Variants in ROR1 observed in about 807,000 individuals in gnomAD.
ROR1 encodes the protein inactive tyrosine-protein kinase transmembrane receptor ROR1.
Under a neutral mutation model 78.8 loss-of-function variants are expected in ROR1, and 19 were observed. That is an observed-to-expected ratio of 0.24 (90% CI 0.17 to 0.35). The LOEUF is 0.35. Among genes scored for constraint, ROR1 ranks in the 10% least tolerant of loss-of-function variants. ROR1 has a pLI of 1.00. For synonymous variants in ROR1, 386 were observed against 433.6 expected, an observed-to-expected ratio of 0.89 and a Z score of 1.36; for missense variants, 917 against 1,177.8, an observed-to-expected ratio of 0.78 and a Z score of 3.24.
intron 4 of ROR1, among the ~76,000 whole-genome samples, chr1:64,113,084 G>A (rs953165716): frequency 4.6e-5 from 7 of 152,216 alleles, no homozygotes; most frequent in East Asian, 3.9e-4. Flanking sequence ...ACTTTCTTCC[G>A]TTTTTCTGAA....
intron 1 of ROR1, among the ~76,000 whole-genome samples, chr1:63,953,207 A>G (rs1000720772): frequency 2.6e-5 from 4 of 152,120 alleles, no homozygotes; most frequent in Admixed American, 2.6e-4. Context: ...TGTTCCTACC[A>G]CTTACTACTT....
intron 1 of ROR1, among the ~76,000 whole-genome samples, chr1:63,955,338 T>C (rs1352999413): frequency 6.6e-6 from 1 of 152,232 alleles, no homozygotes; most frequent in Non-Finnish European, 1.5e-5. Context: ...ATTTTTTCTT[T>C]GGCAGTTTTT....
chr1:63,787,613 G>A (rs781523491), intron 1 of ROR1, among the ~76,000 whole-genome samples: 13 of 148,974 alleles, frequency 8.7e-5, no homozygotes, highest in Non-Finnish European at 1.9e-4. Flanking sequence ...TACAACCTCC[G>A]CCTCCCAGGT....
At chr1:64,018,082 A>G (rs2100553337) in intron 2 of ROR1, among the ~76,000 whole-genome samples, 1 of 152,188 alleles carries the variant, frequency 6.6e-6, no homozygotes, top group Non-Finnish European at 1.5e-5. Flanking sequence ...ATGGCTTTAC[A>G]GTTTGGCCTC....
chr1:64,128,316 A>G (rs1648789304), intron 4 of ROR1, among the ~76,000 whole-genome samples: 1 of 151,588 alleles, frequency 6.6e-6, no homozygotes, highest in Non-Finnish European at 1.5e-5. Context: ...AAAAAGTAAA[A>G]AAACTAGCCA....
intron 2 of ROR1, among the ~76,000 whole-genome samples, chr1:64,039,527 A>G (rs80142387): frequency 0.011 from 1,651 of 152,298 alleles, 11 homozygotes; most frequent in Non-Finnish European, 0.016. Context: ...GAAAATACAC[A>G]CGGACTTTGT....
chr1:64,108,786 G>A (rs1311521916), intron 4 of ROR1, among the ~76,000 whole-genome samples: 1 of 152,208 alleles, frequency 6.6e-6, no homozygotes, highest in Non-Finnish European at 1.5e-5. Context: ...GAGATTATGT[G>A]TAGAGAGATA....
intron 1 of ROR1, among the ~76,000 whole-genome samples, chr1:63,780,824 T>A (rs1644647529): frequency 1.3e-5 from 2 of 152,178 alleles, no homozygotes; most frequent in African/African-American, 4.8e-5. Context: ...CCCAGGTGCT[T>A]AGTGTAATTC....
At chr1:64,084,958 T>C (rs1172395982) in intron 4 of ROR1, among the ~76,000 whole-genome samples, 1 of 152,204 alleles carries the variant, frequency 6.6e-6, no homozygotes, top group Non-Finnish European at 1.5e-5. Context: ...TCTGATTCCA[T>C]CCAGTTTCAA....
At chr1:63,904,863 A>T (rs1196236018) in intron 1 of ROR1, among the ~76,000 whole-genome samples, 2 of 152,178 alleles carry the variant, frequency 1.3e-5, no homozygotes, top group African/African-American at 4.8e-5. Context: ...AATTTCCAGA[A>T]TTGTGAGACA....
intron 1 of ROR1, among the ~76,000 whole-genome samples, chr1:63,897,031 T>C (rs1459667739): frequency 6.6e-6 from 1 of 152,226 alleles, no homozygotes; most frequent in African/African-American, 2.4e-5. Context: ...AGTCAAGCTG[T>C]TGTTATTAAC....
chr1:63,877,450 C>T (rs1292603694), intron 1 of ROR1, among the ~76,000 whole-genome samples: 4 of 152,098 alleles, frequency 2.6e-5, no homozygotes, highest in Non-Finnish European at 5.9e-5. Flanking sequence ...ATAAGGCACT[C>T]GTGTAAGATC....
intron 1 of ROR1, chr1:63,789,356 TC>T: frequency 5.1e-6 from 2 of 394,034 alleles, no homozygotes; most frequent in East Asian, 1.1e-4. Flanking sequence ...ACTTGATTCC[TC>T]CCATTAAGTG....
intron 1 of ROR1, among the ~76,000 whole-genome samples, chr1:63,821,126 T>C (rs1644920903): frequency 6.6e-6 from 1 of 152,216 alleles, no homozygotes; most frequent in Non-Finnish European, 1.5e-5. Context: ...AGAACTACCG[T>C]GAATTAAGTG....
chr1:64,105,595 C>T (rs569003628), intron 4 of ROR1: 1 of 152,160 alleles, frequency 6.6e-6, no homozygotes, highest in African/African-American at 2.4e-5. Context: ...TGGGGCTTTA[C>T]ATTTAAGTCT....
chr1:63,947,113 G>A (rs367725073), intron 1 of ROR1, among the ~76,000 whole-genome samples: 36 of 152,268 alleles, frequency 2.4e-4, no homozygotes, highest in African/African-American at 8.4e-4. Context: ...TGCTGTCTCG[G>A]TTCCACGGTG....
At chr1:63,884,689 T>C (rs1386088075) in intron 1 of ROR1, among the ~76,000 whole-genome samples, 2 of 152,126 alleles carry the variant, frequency 1.3e-5, no homozygotes, top group African/African-American at 2.4e-5. Context: ...ATAAAGTCTG[T>C]CTCCACAAAC....
intron 7 of ROR1, among the ~76,000 whole-genome samples, chr1:64,147,809 C>T (rs1025545523): frequency 1.3e-5 from 2 of 152,170 alleles, no homozygotes; most frequent in Non-Finnish European, 2.9e-5. Context: ...AGGACCACTG[C>T]TCTTTGTTCT....
intron 8 of ROR1, among the ~76,000 whole-genome samples, chr1:64,165,512 G>C (rs996837092): frequency 2.6e-5 from 4 of 151,944 alleles, no homozygotes; most frequent in Non-Finnish European, 4.4e-5. Flanking sequence ...CATTCTGTAG[G>C]TTGTGTTACT....
Sources: gnomAD v4.1 joint callset for allele counts (sites outside exome capture counted in the v4.1 genomes callset) on GRCh38, gnomAD v4.1.1 for gene constraint, MANE v1.5 for transcripts, NCBI Gene and HGNC (gene_info 2026-07-23, HGNC 2026-07-21) for gene names.